Variants in USH1G observed in about 807,000 individuals in gnomAD.
USH1G encodes the protein USH1 protein network component sans.
USH1G carries 27 observed loss-of-function variants against 31.9 expected under a neutral mutation model. The observed-to-expected ratio is 0.85, with a 90% confidence interval of 0.62 to 1.17. The LOEUF (loss-of-function observed/expected upper bound fraction) is 1.17. Among genes scored for constraint, USH1G ranks in the 50% most tolerant of loss-of-function variants. The probability of loss-of-function intolerance (pLI) is 0.00; values close to 1 mark genes in which losing one functional copy is unlikely to be tolerated. For synonymous variants in USH1G, 266 were observed against 283.2 expected (o/e 0.94, Z 0.61); for missense variants, 674 against 638.9 (o/e 1.05, Z -0.59).
In USH1G at chr17:74,923,233, G is replaced by A; in HGVS notation, c.-160C>T. ...CGCAGACGGAGGGTGCGGAGCGCCA[G>A]AGCCGCGACTACCAAGACATCTGAA... On this transcript the variant is annotated 5_prime_UTR_variant, in exon 1 of 3. Transcript: ENST00000614341. The surrounding 1 kb of genome is among the most constrained non-coding windows in gnomAD (Gnocchi z 5.3). 7.9e-6 allele frequency: 2 copies of A among 252,910 alleles called. No individual in the cohort carries two copies. The highest frequency in any genetic ancestry group is 1.3e-5 in the Non-Finnish European group (2 of 154,294). 15.7% of individuals were successfully genotyped at this position (252,910 alleles called of 1,614,324 possible). A position where few individuals can be genotyped will look rare whatever the true frequency, so the allele number is the denominator to read the frequency against.
intron 1 of USH1G, among the ~76,000 whole-genome samples, chr17:74,922,620 G>C (rs929270311): frequency 6.6e-6 from 1 of 152,024 alleles, no homozygotes; most frequent in East Asian, 1.9e-4. Flanking sequence ...CTTCCAGGGG[G>C]ACCCCAGCCA....
In USH1G at chr17:74,921,982, C is replaced by T. The variant is rs1184942134; in HGVS notation, c.164+928G>A. On this transcript the variant is annotated intron_variant, in intron 1 of 2. Transcript: ENST00000614341. This position sits in a 1 kb window ranked among gnomAD's most constrained non-coding sequence, Gnocchi z 4.6. ...TCAGGCACTGGCCAGTACCTGGTAC[C>T]GGGGCCAGCTAAGCCCCTGGCCCTC... 1.3e-5 allele frequency among the ~76,000 whole-genome samples: 2 copies of T among 152,128 alleles called. No individual in the cohort carries two copies. Among genetic ancestry groups the T allele is most frequent in the African/African-American group, 2.4e-5 (1 of 41,430 alleles).
chr17:74,918,144 G>C lies in USH1G; in HGVS notation c.1383-68C>G. 2 of 1,604,678 alleles carry C rather than the reference G, an allele frequency of 1.2e-6. No homozygotes were observed. Among genetic ancestry groups the C allele is most frequent in the Non-Finnish European group, 1.7e-6 (2 of 1,174,690 alleles). On this transcript the variant is annotated intron_variant, in intron 2 of 2. Transcript: ENST00000614341. The surrounding 1 kb of genome is among the most constrained non-coding windows in gnomAD (Gnocchi z 4.1). ...CCTCCAGAGGCATCATTTTCACCCAGGGCAGCCATCTGGACAACTTAGCCT... is the reference window on the plus strand; with the variant it reads ...CCTCCAGAGGCATCATTTTCACCCACGGCAGCCATCTGGACAACTTAGCCT...
rs1385077212 is a variant in USH1G, at chr17:74,917,985, C to T, written c.*88G>A. On this transcript the variant is annotated 3_prime_UTR_variant, in exon 3 of 3. Transcript: ENST00000614341. ...TCCTTGCTCCTGGGGAAGGGGGCTG[C>T]AGGGCTGGCAACTGTGAGGACCTCG... The T allele has an allele frequency of 1.3e-6, 2 of 1,568,778 alleles. No homozygotes were observed. Among genetic ancestry groups the T allele is most frequent in the African/African-American group, 1.4e-5 (1 of 73,894 alleles).
Position 74,923,201 on chromosome 17 carries a change from C to G in USH1G, c.-128G>C. ...GGGCAGGGGCCGGGGCCGCCAGCCC[C>G]CGCTGCCGCAGACGGAGGGTGCGGA... On this transcript the variant is annotated 5_prime_UTR_variant, in exon 1 of 3. Transcript: ENST00000614341. This position sits in a 1 kb window ranked among gnomAD's most constrained non-coding sequence, Gnocchi z 5.3. 2 of 733,412 alleles carry G rather than the reference C, an allele frequency of 2.7e-6. No individual in the cohort carries two copies. The highest frequency in any genetic ancestry group is 3.7e-6 in the Non-Finnish European group (2 of 537,058). The allele number at this position is 733,412 out of a possible 1,614,324, so 45.4% of individuals were successfully genotyped here.
rs116172106 is a variant in USH1G, at chr17:74,921,266, C to T, written c.165-595G>A. Among the ~76,000 whole-genome samples, 3,288 of 151,644 alleles carry T rather than the reference C, an allele frequency of 0.022. 100 individuals carry two copies. The highest frequency in any genetic ancestry group is 0.071 in the African/African-American group (2,941 of 41,340). On this transcript the variant is annotated intron_variant, in intron 1 of 2. Transcript: ENST00000614341. This position sits in a 1 kb window ranked among gnomAD's most constrained non-coding sequence, Gnocchi z 4.6. ...TGTGAGAGGAGGTGTCGGGCCTTGG[C>T]CTGGGCGGGGAGGGGAGTGTGGGGG...
chr17:74,922,854 G>A lies in USH1G; in HGVS notation c.164+56C>T, dbSNP rs912421628. 1.9e-5 allele frequency: 29 copies of A among 1,515,266 alleles called. No homozygotes were observed. In the African/African-American group the frequency reaches 3.2e-4, roughly 17 times the overall value. 93.9% of individuals were successfully genotyped at this position (1,515,266 alleles called of 1,614,324 possible). On this transcript the variant is annotated intron_variant, in intron 1 of 2. Transcript: ENST00000614341. ...GAGGCAGCTCAGAGGAGTGGTGGAC[G>A]AGGAAGTTTGGGGTGGTCTCAGGGG...
chr17:74,923,063 T>C lies in USH1G; in HGVS notation c.11A>G (p.Gln4Arg). Residue 4 changes from glutamine (Q) to arginine (R), a missense_variant, in exon 1 of 3, where the codon CAG becomes CGG. Gln to Arg is a conservative substitution (Grantham distance 43, BLOSUM62 1). Transcript: ENST00000614341. This position sits in a 1 kb window ranked among gnomAD's most constrained non-coding sequence, Gnocchi z 5.3. Reference protein sequence around the residue: MNDQYHRAARDGYL... With the variant: MNDRYHRAARDGYL... ...GCCATCCCGGGCTGCCCGGTGGTACTGGTCGTTCATGGCGCCCGAAGTGGA... is the reference window on the plus strand; with the variant it reads ...GCCATCCCGGGCTGCCCGGTGGTACCGGTCGTTCATGGCGCCCGAAGTGGA... 6.3e-7 allele frequency: 1 copy of C among 1,583,388 alleles called. No individual in the cohort carries two copies.
In USH1G at chr17:74,917,784, G is replaced by A; in HGVS notation, c.*289C>T. On this transcript the variant is annotated 3_prime_UTR_variant, in exon 3 of 3. Transcript: ENST00000614341. ...TCCGATGCCCCTGCCCTCCCTCTGG[G>A]GCAGGCCTCCCCCAAGTCTACATGT... The A allele has an allele frequency of 2.0e-6, 1 of 498,530 alleles. No individual in the cohort carries two copies. Among genetic ancestry groups the A allele is most frequent in the South Asian group, 2.3e-5 (1 of 42,854 alleles). The allele number at this position is 498,530 out of a possible 1,614,324, so 30.9% of individuals were successfully genotyped here. A position where few individuals can be genotyped will look rare whatever the true frequency, so the allele number is the denominator to read the frequency against.
In USH1G at chr17:74,922,938, C is replaced by G. The variant is rs201967671; in HGVS notation, c.136G>C (p.Glu46Gln). Residue 46 changes from glutamate to glutamine, a missense_variant, in exon 1 of 3, where the codon GAG becomes CAG. Physicochemically the swap from Glu to Gln is conservative, Grantham distance 29. Transcript: ENST00000614341. ...TLWAAYHGNL[E>Q]SLRLIVSRGG... ...CGGCTCACAATGAGACGCAGCGACT[C>G]GAGGTTGCCATGGTAGGCAGCCCAG... 9 of 1,548,556 alleles carry G rather than the reference C, an allele frequency of 5.8e-6. No homozygotes were observed. Among genetic ancestry groups the G allele is most frequent in the South Asian group, 4.8e-5 (4 of 84,056 alleles).
Position 74,918,291 on chromosome 17 carries a change from G to C in USH1G, c.1383-215C>G, listed in dbSNP as rs2038890643. 6.6e-6 allele frequency among the ~76,000 whole-genome samples: 1 copy of C among 152,142 alleles called. No homozygotes were observed. Among genetic ancestry groups the C allele is most frequent in the African/African-American group, 2.4e-5 (1 of 41,434 alleles). ...ACCCATCCCTGCCCCAGCCATTCAG[G>C]ATAACGGCCATAGATACCTAAGAGG... On this transcript the variant is annotated intron_variant, in intron 2 of 2. Coordinates refer to ENST00000614341, the MANE Select transcript of USH1G (RefSeq NM_173477.5). The surrounding 1 kb of genome is among the most constrained non-coding windows in gnomAD (Gnocchi z 4.1).
chr17:74,919,655 G>A lies in USH1G; in HGVS notation c.1181C>T (p.Thr394Ile), dbSNP rs1231016243. Residue 394 changes from threonine to isoleucine, a missense_variant, in exon 2 of 3, where the codon ACC becomes ATC. Thr to Ile is a moderately conservative substitution (Grantham distance 89, BLOSUM62 -1). Coordinates refer to ENST00000614341, the MANE Select transcript of USH1G (RefSeq NM_173477.5). This position sits in a 1 kb window ranked among gnomAD's most constrained non-coding sequence, Gnocchi z 4.5. ...CTCCATGTGCAGAGAGGCCAGGAAG[G>A]TCTCCAGCGGGCTAGTCTCGGGCTC... is the stretch of plus-strand genomic sequence containing the variant. ...DLEPETSPLE[T>I]FLASLHMEDF... 1 of 1,612,698 alleles carries A rather than the reference G, an allele frequency of 6.2e-7. No individual in the cohort carries two copies. The highest frequency in any genetic ancestry group is 1.3e-5 in the African/African-American group (1 of 74,948).
rs2038892546 is a variant in USH1G, at chr17:74,918,500, A to G, written c.1383-424T>C. Among the ~76,000 whole-genome samples, 1 of 152,194 alleles carries G rather than the reference A, an allele frequency of 6.6e-6. No individual in the cohort carries two copies. Among genetic ancestry groups the G allele is most frequent in the African/African-American group, 2.4e-5 (1 of 41,448 alleles). On this transcript the variant is annotated intron_variant, in intron 2 of 2. Coordinates refer to ENST00000614341, the MANE Select transcript of USH1G (RefSeq NM_173477.5). This position sits in a 1 kb window ranked among gnomAD's most constrained non-coding sequence, Gnocchi z 4.1. The stretch of plus-strand genomic sequence containing the variant: ...AGCATTTGCCCACGTTCCTGATTGC[A>G]AAGTTCAGGAACAGTAGGTAAAACA...
chr17:74,919,312 T>G lies in USH1G; in HGVS notation c.1382+142A>C. ...TGGTGGTAAATAAAATAAGGGTGCC[T>G]TTTATCATCGATGGCCTCATTTCGA... On this transcript the variant is annotated intron_variant, in intron 2 of 2. Transcript: ENST00000614341. This position sits in a 1 kb window ranked among gnomAD's most constrained non-coding sequence, Gnocchi z 4.5. 1 of 1,333,430 alleles carries G rather than the reference T, an allele frequency of 7.5e-7. No homozygotes were observed. Among genetic ancestry groups the G allele is most frequent in the Non-Finnish European group, 9.9e-7 (1 of 1,008,120 alleles). 82.6% of individuals were successfully genotyped at this position (1,333,430 alleles called of 1,614,324 possible). A position where few individuals can be genotyped will look rare whatever the true frequency, so the allele number is the denominator to read the frequency against.
Position 74,920,456 on chromosome 17 carries a change from A to G in USH1G, c.380T>C (p.Leu127Pro). The G allele has an allele frequency of 6.2e-7, 1 of 1,613,684 alleles. No individual in the cohort carries two copies. Among genetic ancestry groups the G allele is most frequent in the African/African-American group, 1.3e-5 (1 of 75,070 alleles). The part of the protein sequence containing the change: ...LDSIAAKQSS[L>P]NPKLVGKLKD... ...CAGCTTACCCACCAGCTTGGGGTTGAGGCTGCTCTGCTTGGCCGCGATGGA... is the reference window on the plus strand; with the variant it reads ...CAGCTTACCCACCAGCTTGGGGTTGGGGCTGCTCTGCTTGGCCGCGATGGA... The change falls in exon 2 of 3, where the codon CTC becomes CCC. Residue 127 changes from leucine to proline, a missense_variant. By Grantham distance (98) the Leu-to-Pro change is moderately conservative. Transcript: ENST00000614341. This position sits in a 1 kb window ranked among gnomAD's most constrained non-coding sequence, Gnocchi z 5.2.
chr17:74,920,166 TG>T lies in USH1G; in HGVS notation c.669del (p.Lys224SerfsTer30). On this transcript the variant is annotated frameshift_variant, in exon 2 of 3. Transcript: ENST00000614341. LOFTEE classifies it high-confidence loss of function. This position sits in a 1 kb window ranked among gnomAD's most constrained non-coding sequence, Gnocchi z 5.2. ...TTGAAGGTGCCTTCGCCGCCCTGCT[TG>T]CGCCGCTCCAGCTTCTTCTGCATCT... Reference protein sequence around the residue: ...KTKMQKKLERRKQGGEGTFKV... With the variant: ...KTKMQKKLERXKQGGEGTFKV... The T allele has an allele frequency of 6.2e-7, 1 of 1,602,032 alleles. No individual in the cohort carries two copies. Among genetic ancestry groups the T allele is most frequent in the Non-Finnish European group, 8.5e-7 (1 of 1,179,804 alleles).
rs977002189 is a variant in USH1G at position 74,918,401 on chromosome 17, T to G, written c.1383-325A>C. 1.3e-5 allele frequency among the ~76,000 whole-genome samples: 2 copies of G among 152,186 alleles called. No homozygotes were observed. The highest frequency in any genetic ancestry group is 6.5e-5 in the Admixed American group (1 of 15,278). ...GCTGGCCACAGCATGACCATTGTGGTGGCAGCCTTGGGCAACTATGACGGC... is the reference window on the plus strand; with the variant it reads ...GCTGGCCACAGCATGACCATTGTGGGGGCAGCCTTGGGCAACTATGACGGC... On this transcript the variant is annotated intron_variant, in intron 2 of 2. Coordinates refer to ENST00000614341, the MANE Select transcript of USH1G (RefSeq NM_173477.5). This position sits in a 1 kb window ranked among gnomAD's most constrained non-coding sequence, Gnocchi z 4.1.
In USH1G at chr17:74,922,016, G is replaced by A. The variant is rs35174882; in HGVS notation, c.164+894C>T. Among the ~76,000 whole-genome samples, 1,123 of 152,254 alleles carry A rather than the reference G, an allele frequency of 7.4e-3. 9 individuals carry two copies. The highest frequency in any genetic ancestry group is 0.01 in the Non-Finnish European group (703 of 67,992). On this transcript the variant is annotated intron_variant, in intron 1 of 2. Transcript: ENST00000614341. The stretch of plus-strand genomic sequence containing the variant: ...CTAAGCCCCTGGCCCTCTCTCCCAT[G>A]ACCTGAGACTTCATATCAACCTTCC...
chr17:74,919,588 C>T lies in USH1G; in HGVS notation c.1248G>A (p.Glu416=). 6.2e-7 allele frequency: 1 copy of T among 1,612,770 alleles called. No homozygotes were observed. Among genetic ancestry groups the T allele is most frequent in the Non-Finnish European group, 8.5e-7 (1 of 1,180,030 alleles). The change falls in exon 2 of 3, where the codon GAG becomes GAA. Residue 416 remains glutamate (E), a synonymous_variant. Coordinates refer to ENST00000614341, the MANE Select transcript of USH1G (RefSeq NM_173477.5). This position sits in a 1 kb window ranked among gnomAD's most constrained non-coding sequence, Gnocchi z 4.5. Reference sequence around the variant, plus strand: ...CGAGGTCAGAGCACAGCATCAAAGCCTCGAGGTCGATCTTCTCCTGCCGCA... The same window carrying T: ...CGAGGTCAGAGCACAGCATCAAAGCTTCGAGGTCGATCTTCTCCTGCCGCA... ...ALLRQEKIDL[E]ALMLCSDLDL...
Sources: gnomAD v4.1 joint callset for allele counts (sites outside exome capture counted in the v4.1 genomes callset) on GRCh38, gnomAD v4.1.1 for gene constraint, Gnocchi (gnomAD v3.1) non-coding constraint, MANE v1.5 for transcripts, NCBI Gene and HGNC (gene_info 2026-07-23, HGNC 2026-07-21) for gene names.